Variants in NRG1 observed in about 807,000 individuals in gnomAD.
NRG1 encodes the protein pro-neuregulin-1, membrane-bound isoform.
In NRG1, 18 loss-of-function variants were observed where a neutral mutation model predicts 63.8. The observed-to-expected ratio is 0.28, with a 90% confidence interval of 0.19 to 0.42. The LOEUF (loss-of-function observed/expected upper bound fraction) is 0.42, where lower values mean the gene tolerates loss of function less well. Ranked by LOEUF, NRG1 falls within the 10% of genes least tolerant of loss-of-function variation. The probability of loss-of-function intolerance (pLI) is 1.00; values close to 1 mark genes in which losing one functional copy is unlikely to be tolerated. For missense variants in NRG1, 762 were observed against 814.7 expected (o/e 0.94, Z 0.79); for synonymous variants, 302 against 301.3 (o/e 1.00, Z -0.02).
At chr8:32,128,430 G>A (rs972121808) in intron 1 of NRG1, among the ~76,000 whole-genome samples, 2 of 151,960 alleles carry the variant, frequency 1.3e-5, no homozygotes, top group Non-Finnish European at 2.9e-5. Context: ...CCAGCTGTGT[G>A]ATTCCTGGCA....
rs867237081 is a variant in NRG1 at position 31,873,541 on chromosome 8, A to G, written c.37+234110A>G. ...ACCACTGCACTCCAGTCTGGGTGACACAGCGAGACTCCGTCTGAAAAACAA... is the reference window on the plus strand; with the variant it reads ...ACCACTGCACTCCAGTCTGGGTGACGCAGCGAGACTCCGTCTGAAAAACAA... On this transcript the variant is annotated intron_variant, in intron 1 of 10. Transcript: ENST00000519301. Among the ~76,000 whole-genome samples, 77 of 152,332 alleles carry G rather than the reference A, an allele frequency of 5.1e-4. 1 individual carries two copies. Among genetic ancestry groups the G allele is most frequent in the African/African-American group, 1.6e-3 (67 of 41,574 alleles).
chr8:31,688,406 C>G (rs183486207), intron 1 of NRG1, among the ~76,000 whole-genome samples: 12 of 152,266 alleles, frequency 7.9e-5, no homozygotes, highest in African/African-American at 2.6e-4. Flanking sequence ...GGCCCTCACT[C>G]AATCTGCTGG....
intron 1 of NRG1, among the ~76,000 whole-genome samples, chr8:32,137,592 A>G (rs1835717265): frequency 6.6e-6 from 1 of 152,186 alleles, no homozygotes; most frequent in Admixed American, 6.5e-5. Flanking sequence ...CAAGTATTTG[A>G]CGATCTGCTT....
At position 32,425,719 on chromosome 8, in the gene NRG1, T is replaced by G. The variant is rs77046814; in HGVS notation, c.38-170109T>G. ...AATCATGATTGAGATTATAGTAGTA[T>G]TATTTCTGATTGACTAGGTAGTAAT... On this transcript the variant is annotated intron_variant, in intron 1 of 10. Coordinates refer to the NRG1 transcript ENST00000519301. 7.8e-3 allele frequency among the ~76,000 whole-genome samples: 1,187 copies of G among 152,306 alleles called. 18 individuals carry two copies. Among genetic ancestry groups the G allele is most frequent in the African/African-American group, 0.026 (1,071 of 41,572 alleles).
intron 5 of NRG1, among the ~76,000 whole-genome samples, chr8:32,689,002 G>T (rs985072326): frequency 3.9e-5 from 6 of 152,168 alleles, no homozygotes; most frequent in African/African-American, 1.4e-4. Context: ...TTGTGGCCCA[G>T]ATGTTTTCCA....
At chr8:31,895,999 T>G (rs1027819479) in intron 1 of NRG1, among the ~76,000 whole-genome samples, 4 of 152,296 alleles carry the variant, frequency 2.6e-5, no homozygotes, top group Non-Finnish European at 4.4e-5. Context: ...CCTCTTTCAT[T>G]TAGTTTTCAC....
intron 11 of NRG1, chr8:32,760,908 G>A: frequency 1.0e-6 from 1 of 992,314 alleles, no homozygotes; most frequent in Non-Finnish European, 1.2e-6. Flanking sequence ...TGTCATGGGG[G>A]GCAACTGCTT....
chr8:32,068,963 G>C (rs1460130394), intron 1 of NRG1, among the ~76,000 whole-genome samples: 1 of 152,124 alleles, frequency 6.6e-6, no homozygotes, highest in African/African-American at 2.4e-5. Flanking sequence ...TGGAATACTT[G>C]GTGTCTTTGG....
intron 1 of NRG1, among the ~76,000 whole-genome samples, chr8:31,776,370 G>A (rs1319729481): frequency 2.6e-5 from 4 of 152,130 alleles, no homozygotes; most frequent in Non-Finnish European, 4.4e-5. Context: ...CAAGGATGCC[G>A]GACTTGCATT....
intron 1 of NRG1, among the ~76,000 whole-genome samples, chr8:31,745,709 C>T (rs1191701096): frequency 6.6e-6 from 1 of 151,792 alleles, no homozygotes; most frequent in East Asian, 1.9e-4. Context: ...TGTGATGATA[C>T]CTACCGCTTA....
intron 1 of NRG1, among the ~76,000 whole-genome samples, chr8:32,509,982 A>T (rs1393802560): frequency 2.6e-5 from 4 of 151,586 alleles, no homozygotes; most frequent in African/African-American, 4.8e-5. Flanking sequence ...AGTTTTTGGA[A>T]TTTTTTTTGC....
At chr8:32,044,277 C>A (rs1038515030) in intron 1 of NRG1, among the ~76,000 whole-genome samples, 1 of 151,766 alleles carries the variant, frequency 6.6e-6, no homozygotes, top group African/African-American at 2.4e-5. Context: ...ATGTCTGTAG[C>A]AAACAGCATA....
chr8:32,405,458 T>A (rs561535866), intron 1 of NRG1, among the ~76,000 whole-genome samples: 79 of 152,352 alleles, frequency 5.2e-4, no homozygotes, highest in African/African-American at 1.8e-3. Context: ...GGGGAGAAAT[T>A]TATATCTGTT....
chr8:32,637,726 A>G (rs186988914), intron 5 of NRG1, among the ~76,000 whole-genome samples: 20 of 152,264 alleles, frequency 1.3e-4, no homozygotes, highest in Admixed American at 1.2e-3. Context: ...TGCTCCCACA[A>G]TTCAGGTAGC....
At chr8:31,920,884 GTAGATAGA>G (rs10532094) in intron 1 of NRG1, among the ~76,000 whole-genome samples, 11,492 of 147,112 alleles carry the variant, frequency 0.078, 619 homozygotes, top group African/African-American at 0.15. Flanking sequence ...AGATAGATAG[GTAGATAGA>G]TAGATAGATA....
At chr8:32,424,068 G>C (rs1057300296) in intron 1 of NRG1, among the ~76,000 whole-genome samples, 1 of 152,116 alleles carries the variant, frequency 6.6e-6, no homozygotes, top group Non-Finnish European at 1.5e-5. Flanking sequence ...GCAGCTATCC[G>C]GGTACATTCG....
intron 1 of NRG1, among the ~76,000 whole-genome samples, chr8:31,976,578 C>A (rs1016213349): frequency 1.3e-5 from 2 of 152,000 alleles, no homozygotes; most frequent in African/African-American, 4.8e-5. Flanking sequence ...TTTTGTTTTT[C>A]CAACTTTATT....
At chr8:32,622,899 A>G (rs181857311) in intron 5 of NRG1, among the ~76,000 whole-genome samples, 165 of 152,340 alleles carry the variant, frequency 1.1e-3, no homozygotes, top group African/African-American at 3.8e-3. Context: ...TCTTACTTCA[A>G]CAACGTTGGA....
intron 1 of NRG1, among the ~76,000 whole-genome samples, chr8:32,365,503 C>A (rs1186216569): frequency 6.6e-6 from 1 of 151,758 alleles, no homozygotes; most frequent in Non-Finnish European, 1.5e-5. Context: ...TTTATGGGTT[C>A]TTTTTTTATT....
Sources: gnomAD v4.1 joint callset for allele counts (sites outside exome capture counted in the v4.1 genomes callset) on GRCh38, gnomAD v4.1.1 for gene constraint, MANE v1.5 for transcripts, NCBI Gene and HGNC (gene_info 2026-07-23, HGNC 2026-07-21) for gene names.